The following INTS10 variants were observed in gnomAD, a reference collection of about 807,000 sequenced individuals.
INTS10 encodes the protein chromosome 8 open reading frame 35.
INTS10 carries 44 observed loss-of-function variants against 94.4 expected under a neutral mutation model. The ratio of observed to expected loss-of-function variants is 0.47; its 90% CI spans 0.37 to 0.60. The LOEUF (loss-of-function observed/expected upper bound fraction) is 0.60, where lower values mean the gene tolerates loss of function less well. INTS10 is among the 20% of genes least tolerant of loss of function. The pLI is 0.00. For missense variants in INTS10, 797 were observed against 868.7 expected (o/e 0.92, Z 1.04); for synonymous variants, 341 against 320.7 (o/e 1.06, Z -0.68).
intron 4 of INTS10, chr8:19,821,938 T>C (rs7005767): frequency 0.41 from 62,102 of 152,556 alleles, 13,288 homozygotes; most frequent in African/African-American, 0.52. Context: ...GCTAAGGCAT[T>C]GGTAATGGAA....
Position 19,849,225 on chromosome 8 carries a change from A to G in INTS10, c.1977-2424A>G, listed in dbSNP as rs559512929. 7 of 1,289,228 alleles carry G rather than the reference A, an allele frequency of 5.4e-6. No individual in the cohort carries two copies. Among genetic ancestry groups the G allele is most frequent in the Non-Finnish European group, 7.1e-6 (7 of 988,378 alleles). 79.9% of individuals were successfully genotyped at this position (1,289,228 alleles called of 1,614,324 possible). The stretch of plus-strand genomic sequence containing the variant: ...TCTTACCTGTGCTTCAGCCCAGCAT[A>G]CAGACTGCTGACAGGTACCAAGTGG... On this transcript the variant is annotated intron_variant, in intron 16 of 16. Transcript: ENST00000397977. This position sits in a 1 kb window ranked among gnomAD's most constrained non-coding sequence, Gnocchi z 4.6.
intron 16 of INTS10, among the ~76,000 whole-genome samples, chr8:19,850,548 A>G (rs904186871): frequency 3.3e-5 from 5 of 151,938 alleles, no homozygotes; most frequent in African/African-American, 4.8e-5. Context: ...CTTATTTGAT[A>G]TGATCATTAA....
rs1402444877 is a variant in INTS10 at position 19,840,188 on chromosome 8, T to C, written c.1640-2660T>C. Among the ~76,000 whole-genome samples, 6 of 151,396 alleles carry C rather than the reference T, an allele frequency of 4.0e-5. No individual in the cohort carries two copies. In the East Asian group the frequency reaches 1.2e-3, roughly 29 times the overall value. On this transcript the variant is annotated intron_variant, in intron 13 of 16. Coordinates refer to ENST00000397977, the MANE Select transcript of INTS10 (RefSeq NM_018142.4). Reference sequence around the variant, plus strand: ...TTTTAAGATACTATTTCTAATAGCATCAAAAAAACATAAAATACTTAGAGG... The same window carrying C: ...TTTTAAGATACTATTTCTAATAGCACCAAAAAAACATAAAATACTTAGAGG...
intron 16 of INTS10, 130 bp downstream of exon 16, chr8:19,845,927 T>C (rs956532649): frequency 1.6e-5 from 9 of 547,196 alleles, no homozygotes; most frequent in Non-Finnish European, 2.9e-5. Context: ...TCTGTTATGA[T>C]AGTTTGATTC....
Position 19,817,440 on chromosome 8 carries a change from C to CGTT in INTS10, c.-97_-96insTTG. ...CAGACATGCGCAGTAGCCTCCCCCG[C>CGTT]GGTGGCGGCGGCGGCGGCGGTGGCT... On this transcript the variant is annotated 5_prime_UTR_variant, in exon 1 of 17. Transcript: ENST00000397977. 1 of 1,489,822 alleles carries CGTT rather than the reference C, an allele frequency of 6.7e-7. No homozygotes were observed. The allele number at this position is 1,489,822 out of a possible 1,614,324, so 92.3% of individuals were successfully genotyped here. A position where few individuals can be genotyped will look rare whatever the true frequency, so the allele number is the denominator to read the frequency against.
chr8:19,836,837 A>G (rs1298869420), intron 12 of INTS10, among the ~76,000 whole-genome samples: 1 of 152,170 alleles, frequency 6.6e-6, no homozygotes, highest in African/African-American at 2.4e-5. Context: ...AGAATGGATT[A>G]GTGTTCCCTC....
intron 5 of INTS10, 87 bp downstream of exon 5, chr8:19,822,607 A>G (rs2066464635): frequency 2.6e-6 from 2 of 780,060 alleles, no homozygotes; most frequent in Non-Finnish European, 4.2e-6. Context: ...CATATATGAA[A>G]GGCAAAGGAG....
At chr8:19,830,701 C>CAAAACA in intron 10 of INTS10, 142 bp downstream of exon 10, 1 of 753,982 alleles carries the variant, frequency 1.3e-6, no homozygotes, top group Non-Finnish European at 2.1e-6. Flanking sequence ...GACGGAGTCT[C>CAAAACA]ACTCTTTTTC....
At position 19,837,714 on chromosome 8, in the gene INTS10, A is replaced by G. The variant is rs191685249; in HGVS notation, c.1639+554A>G. Among the ~76,000 whole-genome samples the G allele has an allele frequency of 5.5e-4, 84 of 152,380 alleles. 1 individual carries two copies. Among genetic ancestry groups the G allele is most frequent in the Admixed American group, 4.8e-3 (74 of 15,308 alleles). On this transcript the variant is annotated intron_variant, in intron 13 of 16. Transcript: ENST00000397977. ...ATCTGAGTTTGTTAGAAAAAGATAC[A>G]TAAATTAAACTTGAAGAAAATAGAT...
chr8:19,837,243 A>C (rs2067735570), intron 13 of INTS10, 83 bp downstream of exon 13: 2 of 880,154 alleles, frequency 2.3e-6, no homozygotes, highest in African/African-American at 3.3e-5. Flanking sequence ...AATCTCAGCT[A>C]CTCGGAAGTC....
rs766207443 is a variant in INTS10, at chr8:19,823,964, C to T, written c.756C>T (p.Ile252=). The T allele has an allele frequency of 5.0e-6, 8 of 1,613,452 alleles. No homozygotes were observed. The highest frequency in any genetic ancestry group is 3.3e-5 in the Admixed American group (2 of 59,964). Residue 252 remains isoleucine (I), a synonymous_variant, in exon 7 of 17, where the codon ATC becomes ATT. Coordinates refer to ENST00000397977, the MANE Select transcript of INTS10 (RefSeq NM_018142.4). ...GGCTGACGGAAAAATCATCCCAGAT[C>T]GTGGACCCTTGGGAGAGGTTGTTTA... is the stretch of plus-strand genomic sequence containing the variant. The part of the protein sequence containing the change: ...IEGLTEKSSQ[I]VDPWERLFKI...
chr8:19,851,208 T>A lies in INTS10; in HGVS notation c.1977-441T>A, dbSNP rs1451668419. ...GGGCCATGGTGGGAGCTCACTTGGG[T>A]GATTGGCTCATTCAGGTCTCCTCCC... is the stretch of plus-strand genomic sequence containing the variant. On this transcript the variant is annotated intron_variant, in intron 16 of 16. Transcript: ENST00000397977. This position sits in a 1 kb window ranked among gnomAD's most constrained non-coding sequence, Gnocchi z 5.0. Among the ~76,000 whole-genome samples, 2 of 152,070 alleles carry A rather than the reference T, an allele frequency of 1.3e-5. No individual in the cohort carries two copies. Among genetic ancestry groups the A allele is most frequent in the Non-Finnish European group, 2.9e-5 (2 of 68,006 alleles).
chr8:19,826,504 G>T lies in INTS10; in HGVS notation c.1085G>T (p.Arg362Leu). Residue 362 changes from arginine (R) to leucine (L), a missense_variant, in exon 9 of 17, where the codon CGT (arginine) becomes CTT (leucine). By Grantham distance (102) the Arg-to-Leu change is moderately radical. This residue lies in a region of INTS10 where 734 missense variants were observed against 787.8 expected (regional missense o/e 0.93). Transcript: ENST00000397977. ...SNVYGDVEID[R>L]NKHIHKKRKL... is the part of the protein sequence containing the mutation. The stretch of plus-strand genomic sequence containing the variant: ...GTGTATGGTGATGTAGAAATTGATC[G>T]TAATAAACACATCCATAAAAAGAGG... The T allele has an allele frequency of 6.2e-7, 1 of 1,612,812 alleles. No homozygotes were observed. The highest frequency in any genetic ancestry group is 8.5e-7 in the Non-Finnish European group (1 of 1,179,528).
At chr8:19,826,672 G>A in intron 9 of INTS10, 113 bp downstream of exon 9, 1 of 951,354 alleles carries the variant, frequency 1.1e-6, no homozygotes, top group Non-Finnish European at 1.5e-6. Flanking sequence ...TTTTAAAATT[G>A]TATGATATAT....
intron 3 of INTS10, 76 bp from the exon 4 acceptor site, chr8:19,820,303 A>G: frequency 1.4e-6 from 2 of 1,412,258 alleles, no homozygotes; most frequent in Non-Finnish European, 1.9e-6. Context: ...GTACATGAAA[A>G]TGCCTTACTC....
chr8:19,850,105 C>T (rs2068901026), intron 16 of INTS10, among the ~76,000 whole-genome samples: 1 of 131,808 alleles, frequency 7.6e-6, no homozygotes. Flanking sequence ...GCCTGGGTGA[C>T]ACAGCAAGAT....
chr8:19,851,998 A>AT lies in INTS10; in HGVS notation c.*199dup, dbSNP rs1299802853. 5 of 407,292 alleles carry AT rather than the reference A, an allele frequency of 1.2e-5. No homozygotes were observed. Among genetic ancestry groups the AT allele is most frequent in the Non-Finnish European group, 2.2e-5 (5 of 230,450 alleles). The allele number at this position is 407,292 out of a possible 1,614,324, so 25.2% of individuals were successfully genotyped here. A position where few individuals can be genotyped will look rare whatever the true frequency, so the allele number is the denominator to read the frequency against. On this transcript the variant is annotated 3_prime_UTR_variant, in exon 17 of 17. Transcript: ENST00000397977. The surrounding 1 kb of genome is among the most constrained non-coding windows in gnomAD (Gnocchi z 5.0). ...GAAGCTATTTCTATTTTTAAGAGTCATTTTTTGTAATTTTTGTAAAACAAA... is the reference window on the plus strand; with the variant it reads ...GAAGCTATTTCTATTTTTAAGAGTCATTTTTTTGTAATTTTTGTAAAACAAA...
chr8:19,819,722 A>G (rs371864944), intron 3 of INTS10, 46 bp downstream of exon 3: 296 of 1,383,758 alleles, frequency 2.1e-4, no homozygotes, highest in Middle Eastern at 2.0e-3. Context: ...ATACCAAATC[A>G]TATATAGTAA....
intron 16 of INTS10, among the ~76,000 whole-genome samples, chr8:19,850,818 T>C (rs1447920463): frequency 6.6e-6 from 1 of 152,206 alleles, no homozygotes; most frequent in East Asian, 1.9e-4. Context: ...TTCTTCCGTT[T>C]CCTGGGATTT....
Sources: gnomAD v4.1 joint callset for allele counts (sites outside exome capture counted in the v4.1 genomes callset) on GRCh38, gnomAD v4.1.1 for gene constraint, gnomAD v4.1.1 regional missense constraint, Gnocchi (gnomAD v3.1) non-coding constraint, MANE v1.5 for transcripts, NCBI Gene and HGNC (gene_info 2026-07-23, HGNC 2026-07-21) for gene names.